Variants in FAM163B observed in about 807,000 individuals in gnomAD.
FAM163B encodes family with sequence similarity 163 member B, also known as protein FAM163B.
FAM163B carries 4 observed loss-of-function variants against 7.6 expected under a neutral mutation model. The observed-to-expected ratio is 0.52, with a 90% CI of 0.26 to 1.20. The LOEUF (loss-of-function observed/expected upper bound fraction) is 1.20, where lower values mean the gene tolerates loss of function less well. Ranked by LOEUF, FAM163B falls within the 50% of genes most tolerant of loss-of-function variation. The pLI, the probability that FAM163B is intolerant of heterozygous loss-of-function variation, is 0.14. For missense variants in FAM163B, 250 were observed against 243.0 expected (o/e 1.03, Z -0.19); for synonymous variants, 120 against 111.6 (o/e 1.07, Z -0.47).
At chr9:133,597,847 A>T (rs1030407905) in intron 1 of FAM163B, among the ~76,000 whole-genome samples, 4 of 152,164 alleles carry the variant, frequency 2.6e-5, no homozygotes, top group African/African-American at 9.7e-5. Context: ...AGTGCTAAAA[A>T]AAAAGAAGGC....
In FAM163B at chr9:133,582,054, C is replaced by T. The variant is rs1588321864; in HGVS notation, c.-23-1808G>A. Among the ~76,000 whole-genome samples the T allele has an allele frequency of 2.0e-5, 3 of 152,328 alleles. No individual in the cohort carries two copies. The East Asian group carries it at 5.8e-4, about 29-fold the overall frequency. On this transcript the variant is annotated intron_variant, in intron 1 of 2. Coordinates refer to ENST00000673969, the MANE Select transcript of FAM163B (RefSeq NM_001080515.3). ...TTTATCATCTGTGTGGTTACCCTAG[C>T]ATGCGGCCTGCAGAGGGAAGGCTCA...
intron 1 of FAM163B, among the ~76,000 whole-genome samples, chr9:133,592,073 G>A (rs1588328903): frequency 6.6e-6 from 1 of 152,132 alleles, no homozygotes; most frequent in East Asian, 1.9e-4. Flanking sequence ...TTCTGGAGCT[G>A]CTCCCTTGGC....
intron 1 of FAM163B, among the ~76,000 whole-genome samples, chr9:133,592,452 T>G (rs1011681686): frequency 4.6e-5 from 7 of 152,106 alleles, no homozygotes; most frequent in African/African-American, 1.7e-4. Flanking sequence ...ACTGGTCAGG[T>G]GGACTGGCAG....
At chr9:133,605,537 G>C (rs1035073494) in intron 1 of FAM163B, among the ~76,000 whole-genome samples, 2 of 152,200 alleles carry the variant, frequency 1.3e-5, no homozygotes, top group African/African-American at 2.4e-5. Flanking sequence ...CAAGGGCAGA[G>C]GTGACTAGCT....
rs1831313257 is a variant in FAM163B, at chr9:133,579,301, G to A, written c.222C>T (p.Pro74=). ...TCTGGCTGAAGGAGGTGGAGGCGGT[G>A]GGGTAGAGCGCCGGCCCGTTGGTCA... ...LVLTNGPALY[P]TASTSFSQKS... Residue 74 remains proline, a synonymous_variant, in exon 3 of 3, where the codon CCC becomes CCT. Coordinates refer to ENST00000673969, the MANE Select transcript of FAM163B (RefSeq NM_001080515.3). 2 of 1,613,462 alleles carry A rather than the reference G, an allele frequency of 1.2e-6. No homozygotes were observed. Among genetic ancestry groups the A allele is most frequent in the African/African-American group, 1.3e-5 (1 of 75,054 alleles).
intron 1 of FAM163B, among the ~76,000 whole-genome samples, chr9:133,607,415 C>T (rs1284610533): frequency 6.6e-6 from 1 of 152,164 alleles, no homozygotes; most frequent in African/African-American, 2.4e-5. Flanking sequence ...CTCTGTGGGG[C>T]TCCTTGCCCT....
intron 1 of FAM163B, among the ~76,000 whole-genome samples, chr9:133,588,668 G>A (rs796133729): frequency 7.4e-5 from 11 of 148,958 alleles, no homozygotes; most frequent in East Asian, 2.0e-4. Context: ...GCATGCTGAG[G>A]GATCTAGCAT....
intron 1 of FAM163B, among the ~76,000 whole-genome samples, chr9:133,593,452 C>T (rs537905560): frequency 1.3e-5 from 2 of 150,884 alleles, no homozygotes; most frequent in African/African-American, 2.4e-5. Context: ...GGTCATACAC[C>T]TGCTCCCAGG....
intron 1 of FAM163B, among the ~76,000 whole-genome samples, chr9:133,586,368 G>A (rs1192453333): frequency 1.3e-5 from 2 of 152,246 alleles, no homozygotes; most frequent in Non-Finnish European, 2.9e-5. Context: ...GCCCACAGCA[G>A]GGGGACTGGT....
chr9:133,590,284 C>T (rs911196520), intron 1 of FAM163B, among the ~76,000 whole-genome samples: 3 of 97,686 alleles, frequency 3.1e-5, no homozygotes, highest in South Asian at 3.6e-4. Context: ...CTTTTCTTTT[C>T]GTTCTCTTCC....
rs1008445922 is a variant in FAM163B at position 133,601,227 on chromosome 9, G to A, written c.-24+7850C>T. 5.3e-5 allele frequency among the ~76,000 whole-genome samples: 8 copies of A among 152,190 alleles called. No homozygotes were observed. The highest frequency in any genetic ancestry group is 8.8e-5 in the Non-Finnish European group (6 of 68,034). On this transcript the variant is annotated intron_variant, in intron 1 of 2. Transcript: ENST00000673969. The surrounding 1 kb of genome is among the most constrained non-coding windows in gnomAD (Gnocchi z 4.1). ...AGCCTCTGAGCTCTCTGGGCAGGGC[G>A]CGCCTTTGGAGCCGACTCAGTGATT...
In FAM163B at chr9:133,595,401, G is replaced by A. The variant is rs1055707246; in HGVS notation, c.-24+13676C>T. Among the ~76,000 whole-genome samples the A allele has an allele frequency of 2.6e-5, 4 of 152,124 alleles. 1 individual carries two copies. Among genetic ancestry groups the A allele is most frequent in the Non-Finnish European group, 4.4e-5 (3 of 68,006 alleles). ...CCTCAAGTGATGATCCTCCTGCCTC[G>A]GCCTCCCAAAGTGCTGGGATTACAG... On this transcript the variant is annotated intron_variant, in intron 1 of 2. Coordinates refer to ENST00000673969, the MANE Select transcript of FAM163B (RefSeq NM_001080515.3).
chr9:133,596,888 G>T (rs1005945047), intron 1 of FAM163B, among the ~76,000 whole-genome samples: 3 of 152,228 alleles, frequency 2.0e-5, no homozygotes, highest in Non-Finnish European at 2.9e-5. Context: ...TCCAGAAATA[G>T]TTCCTCTTCC....
At position 133,601,065 on chromosome 9, in the gene FAM163B, C is replaced by T. The variant is rs991283099; in HGVS notation, c.-24+8012G>A. ...GCCTGCAAGCTCTCTGGGAGCAGGG[C>T]CTCAGAGGGCAGCAGAGCCTGTGAG... is the stretch of plus-strand genomic sequence containing the variant. On this transcript the variant is annotated intron_variant, in intron 1 of 2. Coordinates refer to ENST00000673969, the MANE Select transcript of FAM163B (RefSeq NM_001080515.3). The surrounding 1 kb of genome is among the most constrained non-coding windows in gnomAD (Gnocchi z 4.1). Among the ~76,000 whole-genome samples, 1 of 152,172 alleles carries T rather than the reference C, an allele frequency of 6.6e-6. No individual in the cohort carries two copies. The highest frequency in any genetic ancestry group is 1.5e-5 in the Non-Finnish European group (1 of 68,030).
chr9:133,591,718 G>C (rs542662337), intron 1 of FAM163B, among the ~76,000 whole-genome samples: 56 of 152,190 alleles, frequency 3.7e-4, no homozygotes, highest in Non-Finnish European at 7.2e-4. Context: ...GAGCACACTG[G>C]GAGAACCACT....
At position 133,580,234 on chromosome 9, in the gene FAM163B, C is replaced by T; in HGVS notation, c.-11G>A. ...GGTCCCGGCTGTCATCCGCCCCCTT[C>T]TCCATCAACAGCCTGCAACACACGC... On this transcript the variant is annotated 5_prime_UTR_variant, in exon 2 of 3. Coordinates refer to ENST00000673969, the MANE Select transcript of FAM163B (RefSeq NM_001080515.3). 2.5e-6 allele frequency: 4 copies of T among 1,612,148 alleles called. No individual in the cohort carries two copies. Among genetic ancestry groups the T allele is most frequent in the Non-Finnish European group, 2.5e-6 (3 of 1,178,976 alleles).
At chr9:133,590,282 T>C (rs1271807150) in intron 1 of FAM163B, among the ~76,000 whole-genome samples, 1 of 150,730 alleles carries the variant, frequency 6.6e-6, no homozygotes, top group East Asian at 2.0e-4. Context: ...TTCTTTTCTT[T>C]TCGTTCTCTT....
intron 1 of FAM163B, among the ~76,000 whole-genome samples, chr9:133,582,538 C>T (rs903936439): frequency 2.6e-5 from 4 of 152,232 alleles, no homozygotes; most frequent in African/African-American, 4.8e-5. Flanking sequence ...GTCTCCTCCA[C>T]GTGAATGCCT....
chr9:133,604,168 C>T (rs1476033263), intron 1 of FAM163B, among the ~76,000 whole-genome samples: 2 of 152,214 alleles, frequency 1.3e-5, no homozygotes, highest in African/African-American at 4.8e-5. Flanking sequence ...CACTGCACAT[C>T]CCTCATCCAA....
Sources: gnomAD v4.1 joint callset for allele counts (sites outside exome capture counted in the v4.1 genomes callset) on GRCh38, gnomAD v4.1.1 for gene constraint, Gnocchi (gnomAD v3.1) non-coding constraint, MANE v1.5 for transcripts, NCBI Gene and HGNC (gene_info 2026-07-23, HGNC 2026-07-21) for gene names.